The following GALNT17 variants were observed in gnomAD, a reference collection of about 807,000 sequenced individuals.
The protein encoded by GALNT17 is polypeptide N-acetylgalactosaminyltransferase 17.
In GALNT17, 29 loss-of-function variants were observed where a neutral mutation model predicts 63.7. That is an observed-to-expected ratio of 0.46 (90% CI 0.34 to 0.62). The LOEUF (loss-of-function observed/expected upper bound fraction) is 0.62. Among genes scored for constraint, GALNT17 ranks in the 20% least tolerant of loss-of-function variants. The pLI, the probability that GALNT17 is intolerant of heterozygous loss-of-function variation, is 0.01. For missense variants in GALNT17, 603 were observed against 799.6 expected (o/e 0.75, Z 2.97); for synonymous variants, 305 against 318.3 (o/e 0.96, Z 0.45).
intron 6 of GALNT17, among the ~76,000 whole-genome samples, chr7:71,659,227 A>G (rs1178950883): frequency 2.0e-5 from 3 of 152,332 alleles, no homozygotes; most frequent in Non-Finnish European, 2.9e-5. Context: ...CCACATGGCT[A>G]TTCTTTCAGC....
chr7:71,152,296 A>G (rs1788150270), intron 1 of GALNT17, among the ~76,000 whole-genome samples: 1 of 152,208 alleles, frequency 6.6e-6, no homozygotes, highest in Non-Finnish European at 1.5e-5. Context: ...TGCAGAAAGC[A>G]GTTTGGAAGG....
intron 4 of GALNT17, among the ~76,000 whole-genome samples, chr7:71,417,169 T>C (rs1434371697): frequency 1.3e-5 from 2 of 152,246 alleles, no homozygotes; most frequent in Non-Finnish European, 1.5e-5. Flanking sequence ...TGAGTAAGTG[T>C]TGTTCACTGT....
intron 5 of GALNT17, among the ~76,000 whole-genome samples, chr7:71,532,200 G>A (rs1300089172): frequency 1.3e-5 from 2 of 152,124 alleles, no homozygotes; most frequent in Non-Finnish European, 2.9e-5. Context: ...TGAGTCTCCT[G>A]CTTGTGCCTC....
intron 1 of GALNT17, among the ~76,000 whole-genome samples, chr7:71,187,286 C>CTT (rs74272911): frequency 1.9e-4 from 24 of 123,322 alleles, no homozygotes; most frequent in Middle Eastern, 4.2e-3. Flanking sequence ...ATTTTTCTTT[C>CTT]TTTTTTTTTT....
chr7:71,352,514 T>G (rs1792207297), intron 2 of GALNT17, among the ~76,000 whole-genome samples: 1 of 152,186 alleles, frequency 6.6e-6, no homozygotes, highest in Non-Finnish European at 1.5e-5. Flanking sequence ...GGAGGGCTCT[T>G]TAAGAATTCT....
At chr7:71,571,785 G>T (rs2116878598) in intron 6 of GALNT17, among the ~76,000 whole-genome samples, 1 of 152,246 alleles carries the variant, frequency 6.6e-6, no homozygotes, top group Admixed American at 6.5e-5. Context: ...AGGCCACGGT[G>T]GTGCGATCAC....
chr7:71,370,519 C>T (rs1475780191), intron 2 of GALNT17, among the ~76,000 whole-genome samples: 2 of 152,110 alleles, frequency 1.3e-5, no homozygotes, highest in Admixed American at 1.3e-4. Context: ...GAGTTTCCAT[C>T]TGTCACCCAG....
chr7:71,606,280 CTG>C (rs1210031843), intron 6 of GALNT17, among the ~76,000 whole-genome samples: 2 of 152,122 alleles, frequency 1.3e-5, no homozygotes, highest in African/African-American at 2.4e-5. Flanking sequence ...TGCTTATGGA[CTG>C]TGACTATTTT....
intron 5 of GALNT17, among the ~76,000 whole-genome samples, chr7:71,556,859 C>T (rs1166045933): frequency 6.6e-6 from 1 of 152,132 alleles, no homozygotes; most frequent in African/African-American, 2.4e-5. Flanking sequence ...AGCCACTGCG[C>T]CTGGCCCCCT....
intron 6 of GALNT17, among the ~76,000 whole-genome samples, chr7:71,654,257 C>T (rs1242842831): frequency 6.6e-6 from 1 of 152,134 alleles, no homozygotes; most frequent in Non-Finnish European, 1.5e-5. Context: ...CGTGATCCGC[C>T]CGCCTCCAGC....
chr7:71,211,149 C>G (rs566143399), intron 1 of GALNT17, among the ~76,000 whole-genome samples: 4 of 152,126 alleles, frequency 2.6e-5, no homozygotes, highest in African/African-American at 9.7e-5. Flanking sequence ...GGCTGTGTCC[C>G]CATCCAAATC....
At chr7:71,540,611 G>T (rs923680392) in intron 5 of GALNT17, among the ~76,000 whole-genome samples, 2 of 150,480 alleles carry the variant, frequency 1.3e-5, no homozygotes, top group African/African-American at 2.4e-5. Context: ...GTTTTGTGTT[G>T]TTTTTTTTTC....
chr7:71,147,445 C>G (rs1398965400), intron 1 of GALNT17, among the ~76,000 whole-genome samples: 3 of 152,052 alleles, frequency 2.0e-5, no homozygotes, highest in African/African-American at 4.8e-5. Context: ...TTAGATGGTG[C>G]CCATCCAAAT....
intron 8 of GALNT17, among the ~76,000 whole-genome samples, chr7:71,671,907 G>A (rs533710277): frequency 6.6e-6 from 1 of 151,998 alleles, no homozygotes; most frequent in South Asian, 2.1e-4. Context: ...GCTGGTGCAG[G>A]TAATCCCAGC....
intron 6 of GALNT17, among the ~76,000 whole-genome samples, chr7:71,574,246 T>C (rs562570101): frequency 6.6e-6 from 1 of 152,154 alleles, no homozygotes; most frequent in Non-Finnish European, 1.5e-5. Flanking sequence ...GGAAGGCAGT[T>C]TGGGGATTCC....
chr7:71,463,546 G>A (rs1327501568), intron 5 of GALNT17, among the ~76,000 whole-genome samples: 1 of 152,020 alleles, frequency 6.6e-6, no homozygotes, highest in Non-Finnish European at 1.5e-5. Context: ...GAAAGTAAAG[G>A]AATGAAAAAA....
At chr7:71,198,277 T>C (rs2116358443) in intron 1 of GALNT17, among the ~76,000 whole-genome samples, 1 of 151,734 alleles carries the variant, frequency 6.6e-6, no homozygotes, top group Middle Eastern at 3.4e-3. Flanking sequence ...ATGCACATAG[T>C]GGCCCCCAAC....
At chr7:71,491,024 G>A (rs567064993) in intron 5 of GALNT17, among the ~76,000 whole-genome samples, 4 of 151,940 alleles carry the variant, frequency 2.6e-5, no homozygotes, top group East Asian at 2.0e-4. Context: ...AGAAACCCCC[G>A]TCTCTACTAA....
chr7:71,677,443 G>C, intron 9 of GALNT17, 137 bp downstream of exon 9: 1 of 773,548 alleles, frequency 1.3e-6, no homozygotes, highest in Non-Finnish European at 2.0e-6. Context: ...TTAAGAAGAA[G>C]GTAGGAGTCT....
Sources: gnomAD v4.1 joint callset for allele counts (sites outside exome capture counted in the v4.1 genomes callset) on GRCh38, gnomAD v4.1.1 for gene constraint, MANE v1.5 for transcripts, NCBI Gene and HGNC (gene_info 2026-07-23, HGNC 2026-07-21) for gene names.